The following IARS2 variants were observed in gnomAD, a reference collection of about 807,000 sequenced individuals.
IARS2 encodes the protein isoleucyl-tRNA synthetase 2, mitochondrial.
IARS2 carries 56 observed loss-of-function variants against 126.3 expected under a neutral mutation model. That is an observed-to-expected ratio of 0.44 (90% CI 0.36 to 0.55). IARS2 has a LOEUF of 0.55. Among genes scored for constraint, IARS2 ranks in the 20% least tolerant of loss-of-function variants. The pLI, the probability that IARS2 is intolerant of heterozygous loss-of-function variation, is 0.00. For synonymous variants in IARS2, 407 were observed against 441.1 expected (o/e 0.92, Z 0.97); for missense variants, 1,127 against 1,245.9 (o/e 0.90, Z 1.44).
chr1:220,114,108 A>G (rs574522861), intron 11 of IARS2, among the ~76,000 whole-genome samples: 26 of 152,304 alleles, frequency 1.7e-4, no homozygotes, highest in Middle Eastern at 3.4e-3. Context: ...GATATTATTT[A>G]TTAAGTTCTT....
chr1:220,102,231 A>C lies in IARS2; in HGVS notation c.653A>C (p.Lys218Thr), dbSNP rs1351118036. Residue 218 changes from lysine to threonine, a missense_variant, in exon 4 of 23, where the codon AAG becomes ACG. By Grantham distance (78) the Lys-to-Thr change is moderately conservative. Transcript: ENST00000366922. ...AATTGCTACTATACATTTGATGGGA[A>C]GTATGAAGCCAAACAGTTGAGAACT... ...WNNCYYTFDG[K>T]YEAKQLRTFY... 1 of 1,611,414 alleles carries C rather than the reference A, an allele frequency of 6.2e-7. No individual in the cohort carries two copies. Among genetic ancestry groups the C allele is most frequent in the Admixed American group, 1.7e-5 (1 of 59,212 alleles).
Position 220,137,920 on chromosome 1 carries a change from T to G in IARS2, c.2052T>G (p.Asp684Glu), listed in dbSNP as rs1657411655. 4.3e-6 allele frequency: 7 copies of G among 1,613,988 alleles called. No individual in the cohort carries two copies. The highest frequency in any genetic ancestry group is 5.1e-6 in the Non-Finnish European group (6 of 1,179,972). The change falls in exon 17 of 23, where the codon GAT becomes GAG. Residue 684 changes from aspartate to glutamate, a missense_variant and splice_region_variant. Coordinates refer to ENST00000366922, the MANE Select transcript of IARS2 (RefSeq NM_018060.4). ...HPDVVVNGGQ[D>E]QSKEPPYGAD... ...TATATTTTTTTCTCAATGAAAAGGA[T>G]CAAAGCAAAGAGCCTCCGTATGGTG...
chr1:220,147,787 G>A lies in IARS2; in HGVS notation c.*152G>A. The A allele has an allele frequency of 1.5e-6, 1 of 672,626 alleles. No individual in the cohort carries two copies. Among genetic ancestry groups the A allele is most frequent in the Non-Finnish European group, 2.5e-6 (1 of 400,612 alleles). 41.7% of individuals were successfully genotyped at this position (672,626 alleles called of 1,614,324 possible). A position where few individuals can be genotyped will look rare whatever the true frequency, so the allele number is the denominator to read the frequency against. On this transcript the variant is annotated 3_prime_UTR_variant, in exon 23 of 23. Coordinates refer to ENST00000366922, the MANE Select transcript of IARS2 (RefSeq NM_018060.4). Reference sequence around the variant, plus strand: ...GGGAGTCAAAATCAGAATTATAGAAGAAGTATTTCCTGTAACTATAGAAAG... The same window carrying A: ...GGGAGTCAAAATCAGAATTATAGAAAAAGTATTTCCTGTAACTATAGAAAG...
intron 14 of IARS2, among the ~76,000 whole-genome samples, chr1:220,127,780 A>G (rs1410340707): frequency 2.0e-5 from 3 of 152,216 alleles, no homozygotes; most frequent in Admixed American, 6.5e-5. Flanking sequence ...AGTTTGAAAA[A>G]CAAAATGCAT....
rs1477395404 is a variant in IARS2 at position 220,131,793 on chromosome 1, A to G, written c.1838-2609A>G. 1.2e-4 allele frequency among the ~76,000 whole-genome samples: 15 copies of G among 120,594 alleles called. No homozygotes were observed. The East Asian group carries it at 3.7e-3, about 30-fold the overall frequency. 79.1% of individuals were successfully genotyped at this position (120,594 alleles called of 152,430 possible). ...GAGCCACGATGCCTGGCCACGTTGA[A>G]TTTTTTTTTTTTTTTTTTTTTTGAG... On this transcript the variant is annotated intron_variant, in intron 14 of 22. Coordinates refer to ENST00000366922, the MANE Select transcript of IARS2 (RefSeq NM_018060.4).
chr1:220,097,413 G>A (rs1218428064), intron 2 of IARS2, among the ~76,000 whole-genome samples: 1 of 149,852 alleles, frequency 6.7e-6, no homozygotes, highest in Non-Finnish European at 1.5e-5. Context: ...GCCCGGACTG[G>A]AGTGCAGTGG....
intron 11 of IARS2, among the ~76,000 whole-genome samples, chr1:220,113,634 T>TAG (rs2102824815): frequency 7.1e-6 from 1 of 141,728 alleles, no homozygotes; most frequent in East Asian, 1.9e-4. Context: ...TAGATATATA[T>TAG]ATATAGAGAG....
At chr1:220,108,127 C>G (rs1405115839) in intron 10 of IARS2, among the ~76,000 whole-genome samples, 2 of 151,672 alleles carry the variant, frequency 1.3e-5, no homozygotes, top group Non-Finnish European at 2.9e-5. Context: ...GTGGTGTGAT[C>G]TCAGCTCACT....
At chr1:220,106,083 T>C in intron 9 of IARS2, 23 bp downstream of exon 9, 1 of 1,545,680 alleles carries the variant, frequency 6.5e-7, no homozygotes, top group Non-Finnish European at 8.8e-7. Flanking sequence ...TTTTATCATT[T>C]TTAATTATTC....
chr1:220,109,767 A>T (rs1308354860), intron 10 of IARS2, among the ~76,000 whole-genome samples: 1 of 152,216 alleles, frequency 6.6e-6, no homozygotes, highest in African/African-American at 2.4e-5. Flanking sequence ...GTAAGGTCAC[A>T]TTCACTAGTG....
At chr1:220,124,630 C>T (rs537259420) in intron 12 of IARS2, among the ~76,000 whole-genome samples, 1 of 152,290 alleles carries the variant, frequency 6.6e-6, no homozygotes, top group East Asian at 1.9e-4. Flanking sequence ...AAGTGACAGT[C>T]AGAATATAAG....
intron 13 of IARS2, among the ~76,000 whole-genome samples, chr1:220,126,216 A>G (rs547742267): frequency 2.0e-5 from 3 of 152,242 alleles, no homozygotes; most frequent in Non-Finnish European, 2.9e-5. Flanking sequence ...CGGAGGTTGC[A>G]GTGAGCCGAG....
chr1:220,145,091 A>G (rs1373048586), intron 21 of IARS2, among the ~76,000 whole-genome samples: 1 of 152,088 alleles, frequency 6.6e-6, no homozygotes, highest in Non-Finnish European at 1.5e-5. Flanking sequence ...ATGAAAAAAA[A>G]AAAAAAAGGC....
intron 12 of IARS2, among the ~76,000 whole-genome samples, chr1:220,123,684 A>G (rs536262287): frequency 5.8e-4 from 88 of 152,094 alleles, no homozygotes; most frequent in Middle Eastern, 3.4e-3. Flanking sequence ...TCACCGTGTT[A>G]GCCAGGATGG....
intron 19 of IARS2, 144 bp downstream of exon 19, chr1:220,140,433 G>A (rs952976119): frequency 1.7e-6 from 1 of 581,514 alleles, no homozygotes; most frequent in Admixed American, 3.1e-5. Flanking sequence ...ACAAAAATTA[G>A]CCGGGCATGG....
chr1:220,122,771 C>T (rs1025390828), intron 12 of IARS2, among the ~76,000 whole-genome samples: 1 of 152,088 alleles, frequency 6.6e-6, no homozygotes, highest in Non-Finnish European at 1.5e-5. Context: ...ACATAAAATA[C>T]TCTTTATCCT....
intron 10 of IARS2, among the ~76,000 whole-genome samples, chr1:220,110,022 G>A (rs1571848961): frequency 1.3e-5 from 2 of 152,106 alleles, no homozygotes. Context: ...CCCAGAGCAC[G>A]CCTTTGATAC....
chr1:220,104,743 A>AG (rs1184030920), intron 8 of IARS2, among the ~76,000 whole-genome samples: 1 of 152,168 alleles, frequency 6.6e-6, no homozygotes, highest in African/African-American at 2.4e-5. Flanking sequence ...TATGTTGCCC[A>AG]GGCAGATCTT....
intron 12 of IARS2, among the ~76,000 whole-genome samples, chr1:220,116,554 A>G (rs1299827547): frequency 6.6e-6 from 1 of 152,112 alleles, no homozygotes; most frequent in Non-Finnish European, 1.5e-5. Context: ...TGTTTTAGGA[A>G]AAGAAAGTAG....
Sources: gnomAD v4.1 joint callset for allele counts (sites outside exome capture counted in the v4.1 genomes callset) on GRCh38, gnomAD v4.1.1 for gene constraint, MANE v1.5 for transcripts, NCBI Gene and HGNC (gene_info 2026-07-23, HGNC 2026-07-21) for gene names.